The following DIAPH2 variants were observed in gnomAD, a reference collection of about 807,000 sequenced individuals.
The protein encoded by DIAPH2 is protein diaphanous homolog 2.
A neutral mutation model predicts 92.7 loss-of-function variants in DIAPH2; 35 were observed. The observed-to-expected ratio is 0.38, with a 90% CI of 0.29 to 0.50. The LOEUF (loss-of-function observed/expected upper bound fraction) is 0.50. DIAPH2 is among the 20% of genes least tolerant of loss of function. The pLI, the probability that DIAPH2 is intolerant of heterozygous loss-of-function variation, is 0.94. For synonymous variants in DIAPH2, 301 were observed against 280.4 expected (o/e 1.07, Z -0.73); for missense variants, 701 against 819.5 (o/e 0.86, Z 1.77).
At chrX:97,502,821 T>C (rs1261443305) in intron 26 of DIAPH2, among the ~76,000 whole-genome samples, 1 of 112,559 alleles carries the variant, frequency 8.9e-6, no homozygotes, top group Non-Finnish European at 1.9e-5. Context: ...AAGTCACAAT[T>C]TCAAGTAGGC....
intron 23 of DIAPH2, among the ~76,000 whole-genome samples, chrX:97,323,916 A>AT (rs1200391405): frequency 1.8e-5 from 2 of 109,357 alleles, no homozygotes; most frequent in Non-Finnish European, 3.8e-5. Flanking sequence ...AAAAAAAAAA[A>AT]AAAAAAAAAT....
chrX:97,012,815 C>A (rs1433278289), intron 17 of DIAPH2, among the ~76,000 whole-genome samples: 1 of 112,224 alleles, frequency 8.9e-6, no homozygotes, highest in Non-Finnish European at 1.9e-5. Context: ...GCAAAGGAAC[C>A]ATAGTGGGTG....
intron 26 of DIAPH2, among the ~76,000 whole-genome samples, chrX:97,456,519 T>C (rs1020986635): frequency 9.0e-6 from 1 of 111,662 alleles, no homozygotes; most frequent in South Asian, 3.8e-4. Context: ...AGATAAGATA[T>C]GTATATAACA....
chrX:96,790,799 G>C (rs1390287617), intron 4 of DIAPH2, among the ~76,000 whole-genome samples: 1 of 111,630 alleles, frequency 9.0e-6, no homozygotes, highest in Non-Finnish European at 1.9e-5. Context: ...AAATATAGTA[G>C]TCTTCAGTTG....
intron 4 of DIAPH2, among the ~76,000 whole-genome samples, chrX:96,836,800 T>C (rs2064896766): frequency 1.2e-5 from 1 of 83,655 alleles, no homozygotes; most frequent in Non-Finnish European, 2.2e-5. Flanking sequence ...CGATCTCGGC[T>C]CACTGCAAGC....
Position 97,500,801 on chromosome X carries a change from T to TATATAC in DIAPH2, c.3241+71058_3241+71059insATACAT. 3.5e-5 allele frequency among the ~76,000 whole-genome samples: 3 copies of TATATAC among 84,549 alleles called. No homozygotes were observed. In the South Asian group the frequency reaches 1.9e-3, roughly 55 times the overall value. The allele number at this position is 84,549 out of a possible 115,157, so 73.4% of individuals were successfully genotyped here. A position where few individuals can be genotyped will look rare whatever the true frequency, so the allele number is the denominator to read the frequency against. ...ATATATATATATATATATATATATA[T>TATATAC]ATCCTTGCAAGTGCATTCTAGGGCT... On this transcript the variant is annotated intron_variant, in intron 26 of 26. Coordinates refer to ENST00000324765, the MANE Select transcript of DIAPH2 (RefSeq NM_006729.5).
chrX:97,493,819 A>G (rs1271731952), intron 26 of DIAPH2, among the ~76,000 whole-genome samples: 9 of 107,708 alleles, frequency 8.4e-5, no homozygotes, highest in African/African-American at 3.0e-4. Flanking sequence ...CTGGGAGGCA[A>G]AGGTTGCAAT....
chrX:97,119,914 G>A (rs959769343), intron 21 of DIAPH2, among the ~76,000 whole-genome samples: 1 of 111,754 alleles, frequency 8.9e-6, no homozygotes, highest in African/African-American at 3.3e-5. Flanking sequence ...ACAGCAACGA[G>A]TCTGTTTCCA....
At chrX:97,143,825 G>C (rs750421243) in intron 22 of DIAPH2, among the ~76,000 whole-genome samples, 47 of 111,730 alleles carry the variant, frequency 4.2e-4, no homozygotes, top group Non-Finnish European at 7.7e-4. Flanking sequence ...CTGTAAAAAA[G>C]AAATAAATCC....
intron 4 of DIAPH2, among the ~76,000 whole-genome samples, chrX:96,873,439 G>A (rs780625536): frequency 1.8e-5 from 2 of 110,235 alleles, no homozygotes; most frequent in South Asian, 3.9e-4. Flanking sequence ...GATTCCATTT[G>A]TAAATGATAC....
chrX:97,507,507 G>A (rs1346179548), intron 26 of DIAPH2, among the ~76,000 whole-genome samples: 1 of 111,180 alleles, frequency 9.0e-6, no homozygotes, highest in Non-Finnish European at 1.9e-5. Flanking sequence ...TTCATGATGA[G>A]GTCCTGATTA....
At chrX:96,754,493 C>T (rs6620150) in intron 3 of DIAPH2, among the ~76,000 whole-genome samples, 17,177 of 110,824 alleles carry the variant, frequency 0.15, 1,152 homozygotes, top group East Asian at 0.32. Flanking sequence ...GAAAAAAGGT[C>T]ATGCCACCCA....
In DIAPH2 at chrX:97,150,992, C is replaced by T. The variant is rs747536145; in HGVS notation, c.2719+9198C>T. Among the ~76,000 whole-genome samples, 4 of 112,294 alleles carry T rather than the reference C, an allele frequency of 3.6e-5. 1 individual carries two copies. In the South Asian group the frequency reaches 1.5e-3, roughly 41 times the overall value. ...TATATTTGCAGATATTTAATTTCAA[C>T]TTCTTACACATTAAACAAGTAGAAA... On this transcript the variant is annotated intron_variant, in intron 22 of 26. Transcript: ENST00000324765.
intron 26 of DIAPH2, among the ~76,000 whole-genome samples, chrX:97,467,049 C>G (rs1013775828): frequency 8.9e-6 from 1 of 112,110 alleles, no homozygotes; most frequent in African/African-American, 3.2e-5. Context: ...AGATTCATCA[C>G]TCTAGTTTCT....
At chrX:96,973,456 C>T (rs1415218440) in intron 17 of DIAPH2, among the ~76,000 whole-genome samples, 2 of 111,551 alleles carry the variant, frequency 1.8e-5, no homozygotes, top group Non-Finnish European at 3.8e-5. Flanking sequence ...CGTGATCGTG[C>T]TCCTGCACTC....
At chrX:97,054,966 TCTGAAAGCAAAGA>T (rs1405157167) in intron 17 of DIAPH2, among the ~76,000 whole-genome samples, 1 of 111,481 alleles carries the variant, frequency 9.0e-6, no homozygotes, top group Non-Finnish European at 1.9e-5. Flanking sequence ...CATTTGTCCA[TCTGAAAGCAAAGA>T]CTGTGCTTTA....
intron 4 of DIAPH2, among the ~76,000 whole-genome samples, chrX:96,827,446 A>G (rs2064823033): frequency 8.9e-6 from 1 of 112,016 alleles, no homozygotes; most frequent in Non-Finnish European, 1.9e-5. Flanking sequence ...TAGCTATTAA[A>G]CCATAGTCCA....
chrX:97,515,716 CTGAA>C (rs950045881), intron 26 of DIAPH2, among the ~76,000 whole-genome samples: 3 of 110,927 alleles, frequency 2.7e-5, no homozygotes, highest in Admixed American at 9.6e-5. Context: ...TTCCTTTCCT[CTGAA>C]TGTGGGGTTT....
At chrX:97,245,587 A>G (rs1004582757) in intron 22 of DIAPH2, among the ~76,000 whole-genome samples, 2 of 109,520 alleles carry the variant, frequency 1.8e-5, no homozygotes, top group African/African-American at 3.3e-5. Context: ...TTATTTTTGT[A>G]TTTTTTGTAG....
Sources: allele counts gnomAD v4.1 joint callset (sites outside exome capture counted in the v4.1 genomes callset), GRCh38; gene constraint gnomAD v4.1.1; transcripts MANE v1.5; gene names NCBI Gene and HGNC (gene_info 2026-07-23, HGNC 2026-07-21).